Variants in VAT1L observed in about 807,000 individuals in gnomAD.
The protein encoded by VAT1L is putative NADPH-dependent quinone oxidoreductase VAT1L.
A neutral mutation model predicts 44.1 loss-of-function variants in VAT1L; 34 were observed. The observed-to-expected ratio is 0.77, with a 90% CI of 0.59 to 1.03. VAT1L has a LOEUF of 1.03. Ranked by LOEUF, VAT1L falls within the 50% of genes least tolerant of loss-of-function variation. VAT1L has a pLI of 0.00. For synonymous variants in VAT1L, 253 were observed against 202.2 expected (o/e 1.25, Z -2.13); for missense variants, 615 against 538.8 (o/e 1.14, Z -1.40).
At position 77,825,159 on chromosome 16, in the gene VAT1L, G is replaced by A. The variant is rs893508427; in HGVS notation, c.364-87G>A. 4.8e-5 allele frequency: 70 copies of A among 1,454,632 alleles called. 1 individual carries two copies. The highest frequency in any genetic ancestry group is 3.4e-4 in the South Asian group (29 of 85,312). 90.1% of individuals were successfully genotyped at this position (1,454,632 alleles called of 1,614,324 possible). A position where few individuals can be genotyped will look rare whatever the true frequency, so the allele number is the denominator to read the frequency against. Reference sequence around the variant, plus strand: ...TGGGATTATACGCATGAGCCACAGCGCCTGGCCAGCTCCCAGTAATTCTGT... The same window carrying A: ...TGGGATTATACGCATGAGCCACAGCACCTGGCCAGCTCCCAGTAATTCTGT... On this transcript the variant is annotated intron_variant, in intron 2 of 8. Coordinates refer to ENST00000302536, the MANE Select transcript of VAT1L (RefSeq NM_020927.3).
intron 3 of VAT1L, among the ~76,000 whole-genome samples, chr16:77,845,905 G>C (rs2016753965): frequency 6.6e-6 from 1 of 152,106 alleles, no homozygotes; most frequent in Non-Finnish European, 1.5e-5. Context: ...TCGTCCATCT[G>C]TCCGTCCATC....
intron 7 of VAT1L, among the ~76,000 whole-genome samples, chr16:77,947,790 T>C (rs2017988336): frequency 6.6e-6 from 1 of 152,166 alleles, no homozygotes; most frequent in Non-Finnish European, 1.5e-5. Flanking sequence ...AGTTTCGCTC[T>C]TGTTGTCCAG....
rs529712423 is a variant in VAT1L at position 77,822,373 on chromosome 16, C to T, written c.364-2873C>T. Among the ~76,000 whole-genome samples the T allele has an allele frequency of 3.9e-4, 60 of 152,208 alleles. 1 individual carries two copies. The South Asian group carries it at 0.012, about 32-fold the overall frequency. On this transcript the variant is annotated intron_variant, in intron 2 of 8. Transcript: ENST00000302536. Reference sequence around the variant, plus strand: ...GGGCTTGAACTCCCGAGACCTCAGCCTCCCAAAGTGCTGGGATTATAGGCG... The same window carrying T: ...GGGCTTGAACTCCCGAGACCTCAGCTTCCCAAAGTGCTGGGATTATAGGCG...
intron 3 of VAT1L, among the ~76,000 whole-genome samples, chr16:77,833,258 T>G (rs1002074934): frequency 4.5e-4 from 68 of 152,294 alleles, no homozygotes; most frequent in African/African-American, 1.6e-3. Flanking sequence ...ATAAATCAAA[T>G]AGTCACATGG....
At chr16:77,940,903 G>A (rs1321538888) in intron 7 of VAT1L, among the ~76,000 whole-genome samples, 1 of 152,100 alleles carries the variant, frequency 6.6e-6, no homozygotes, top group Non-Finnish European at 1.5e-5. Flanking sequence ...TAAAGTCTCA[G>A]TGAGGTACTA....
At chr16:77,965,993 G>A (rs2018218464) in intron 7 of VAT1L, among the ~76,000 whole-genome samples, 2 of 152,052 alleles carry the variant, frequency 1.3e-5, no homozygotes, top group Non-Finnish European at 1.5e-5. Flanking sequence ...TCTGAATTGA[G>A]ATTTACTCTC....
intron 8 of VAT1L, among the ~76,000 whole-genome samples, chr16:77,974,500 C>T (rs1215064262): frequency 1.3e-5 from 2 of 152,214 alleles, no homozygotes; most frequent in Non-Finnish European, 2.9e-5. Flanking sequence ...ATCCACCTTT[C>T]AGGGTAAAGG....
At chr16:77,881,901 G>GT (rs1567497101) in intron 6 of VAT1L, among the ~76,000 whole-genome samples, 1 of 152,214 alleles carries the variant, frequency 6.6e-6, no homozygotes. Flanking sequence ...TGTAAGAAGT[G>GT]TTTTCCCTTT....
intron 7 of VAT1L, among the ~76,000 whole-genome samples, chr16:77,920,799 C>CCTA (rs1406178714): frequency 3.3e-5 from 5 of 152,074 alleles, no homozygotes; most frequent in African/African-American, 4.8e-5. Context: ...CTGTACCATA[C>CCTA]GGCCTAGGTG....
chr16:77,892,479 T>A (rs80056103), intron 7 of VAT1L: 1 of 527,328 alleles, frequency 1.9e-6, no homozygotes, highest in African/African-American at 1.9e-5. Context: ...GGCCCTTGTG[T>A]CTCCTTTGAG....
intron 1 of VAT1L, among the ~76,000 whole-genome samples, chr16:77,808,877 G>T (rs1321863429): frequency 2.0e-5 from 3 of 152,156 alleles, no homozygotes; most frequent in African/African-American, 7.2e-5. Flanking sequence ...GATTATAGGC[G>T]TGAGCCACCG....
chr16:77,801,680 G>C (rs2016055649), intron 1 of VAT1L: 1 of 146,696 alleles, frequency 6.8e-6, no homozygotes, highest in Admixed American at 6.9e-5. Context: ...TTGTACCTTT[G>C]AGCAGACTAT....
intron 7 of VAT1L, among the ~76,000 whole-genome samples, chr16:77,898,327 A>AG (rs1341584592): frequency 2.0e-5 from 3 of 152,066 alleles, no homozygotes; most frequent in Non-Finnish European, 4.4e-5. Context: ...TTTGGAAAAG[A>AG]GGGGGGGGAC....
At chr16:77,825,957 A>G (rs1235083919) in intron 3 of VAT1L, among the ~76,000 whole-genome samples, 1 of 143,884 alleles carries the variant, frequency 7.0e-6, no homozygotes, top group Non-Finnish European at 1.5e-5. Context: ...CGGGAGGCAG[A>G]GCTTGCAGTG....
chr16:77,926,281 G>A (rs990714992), intron 7 of VAT1L, among the ~76,000 whole-genome samples: 17 of 144,362 alleles, frequency 1.2e-4, no homozygotes, highest in Admixed American at 3.5e-4. Flanking sequence ...AAAAAAATAG[G>A]AGTAATAAAA....
At chr16:77,864,571 A>C (rs1304083168) in intron 4 of VAT1L, among the ~76,000 whole-genome samples, 1 of 152,154 alleles carries the variant, frequency 6.6e-6, no homozygotes, top group East Asian at 1.9e-4. Context: ...ATGCCACTGC[A>C]CTCCAGCATG....
intron 7 of VAT1L, among the ~76,000 whole-genome samples, chr16:77,949,280 T>C (rs919643228): frequency 1.3e-5 from 2 of 152,148 alleles, no homozygotes; most frequent in African/African-American, 4.8e-5. Context: ...AGGTCAAGTC[T>C]AGATTCTGGT....
chr16:77,881,340 C>G (rs559257696), intron 6 of VAT1L, among the ~76,000 whole-genome samples: 1 of 152,314 alleles, frequency 6.6e-6, no homozygotes, highest in South Asian at 2.1e-4. Context: ...GATAGGTGCA[C>G]TTTGGGCCTT....
At chr16:77,794,344 G>T (rs568570662) in intron 1 of VAT1L, among the ~76,000 whole-genome samples, 1 of 152,144 alleles carries the variant, frequency 6.6e-6, no homozygotes, top group African/African-American at 2.4e-5. Context: ...ATCTACACTT[G>T]TGAGATACAG....
Sources: gnomAD v4.1 joint callset for allele counts (sites outside exome capture counted in the v4.1 genomes callset) on GRCh38, gnomAD v4.1.1 for gene constraint, MANE v1.5 for transcripts, NCBI Gene and HGNC (gene_info 2026-07-23, HGNC 2026-07-21) for gene names.